Variants in BRINP1 observed in about 807,000 individuals in gnomAD.
BRINP1 encodes BMP/retinoic acid inducible neural specific 1, also known as BMP/retinoic acid-inducible neural-specific protein 1.
Under a neutral mutation model 72.9 loss-of-function variants are expected in BRINP1, and 17 were observed. The ratio of observed to expected loss-of-function variants is 0.23; its 90% CI spans 0.16 to 0.35. The LOEUF (loss-of-function observed/expected upper bound fraction) is 0.35. Ranked by LOEUF, BRINP1 falls within the 10% of genes least tolerant of loss-of-function variation. BRINP1 has a pLI of 1.00. For synonymous variants in BRINP1, 418 were observed against 378.5 expected (o/e 1.10, Z -1.21); for missense variants, 850 against 1,001.6 (o/e 0.85, Z 2.04).
intron 1 of BRINP1, among the ~76,000 whole-genome samples, chr9:119,335,942 A>G (rs80322988): frequency 0.01 from 1,568 of 152,246 alleles, 27 homozygotes; most frequent in African/African-American, 0.036. Flanking sequence ...AACCACTAAG[A>G]TTTCGTGCAG....
intron 6 of BRINP1, among the ~76,000 whole-genome samples, chr9:119,209,295 G>A (rs1453120680): frequency 6.6e-6 from 1 of 152,156 alleles, no homozygotes; most frequent in Non-Finnish European, 1.5e-5. Context: ...AAACAAGGTT[G>A]GGTGCAGTGG....
At chr9:119,255,692 G>T (rs1049433281) in intron 2 of BRINP1, among the ~76,000 whole-genome samples, 3 of 152,016 alleles carry the variant, frequency 2.0e-5, no homozygotes, top group East Asian at 3.9e-4. Context: ...AGTGGCTCAC[G>T]CTTGTAATCC....
chr9:119,320,475 G>T (rs1831174587), intron 1 of BRINP1, among the ~76,000 whole-genome samples: 1 of 152,166 alleles, frequency 6.6e-6, no homozygotes, highest in African/African-American at 2.4e-5. Flanking sequence ...GCTTATTTTT[G>T]GTTAGTAGGG....
intron 2 of BRINP1, among the ~76,000 whole-genome samples, chr9:119,298,614 C>T (rs910134397): frequency 3.3e-5 from 5 of 152,098 alleles, no homozygotes; most frequent in Non-Finnish European, 5.9e-5. Context: ...ATCAAATACC[C>T]GCAGCCTCTC....
intron 1 of BRINP1, among the ~76,000 whole-genome samples, chr9:119,340,194 T>A (rs1352456782): frequency 6.6e-6 from 1 of 152,070 alleles, no homozygotes; most frequent in African/African-American, 2.4e-5. Context: ...ATTACAAAGT[T>A]AAATAAGATA....
intron 1 of BRINP1, among the ~76,000 whole-genome samples, chr9:119,360,063 G>A (rs149673474): frequency 0.022 from 3,400 of 152,206 alleles, 54 homozygotes; most frequent in South Asian, 0.035. Context: ...CACTTGCAAG[G>A]CTTCACTGGA....
chr9:119,271,743 G>T (rs182468441), intron 2 of BRINP1, among the ~76,000 whole-genome samples: 22 of 152,132 alleles, frequency 1.4e-4, no homozygotes, highest in Admixed American at 1.2e-3. Flanking sequence ...GCAAATCTAG[G>T]TAAAGAGTAC....
intron 1 of BRINP1, among the ~76,000 whole-genome samples, chr9:119,359,019 T>G (rs1280750924): frequency 6.6e-6 from 1 of 152,160 alleles, no homozygotes; most frequent in East Asian, 1.9e-4. Context: ...TATTTCCAGT[T>G]TGAGCACATA....
intron 7 of BRINP1, among the ~76,000 whole-genome samples, chr9:119,176,478 A>C (rs1370776389): frequency 1.3e-5 from 2 of 152,184 alleles, no homozygotes; most frequent in African/African-American, 4.8e-5. Flanking sequence ...AGTAGAGCCT[A>C]ATGTTGAAAA....
intron 5 of BRINP1, among the ~76,000 whole-genome samples, chr9:119,218,843 G>A (rs188652283): frequency 6.6e-6 from 1 of 151,176 alleles, no homozygotes; most frequent in Admixed American, 6.6e-5. Flanking sequence ...CAACTCGGCT[G>A]CCATGGACTG....
chr9:119,221,457 C>T (rs185917146), intron 5 of BRINP1, among the ~76,000 whole-genome samples: 22 of 152,196 alleles, frequency 1.4e-4, no homozygotes, highest in Admixed American at 3.3e-4. Context: ...CAGTATCCAT[C>T]GCTGACAGCT....
intron 1 of BRINP1, among the ~76,000 whole-genome samples, chr9:119,353,334 T>C (rs1831523966): frequency 6.6e-6 from 1 of 152,314 alleles, no homozygotes; most frequent in Non-Finnish European, 1.5e-5. Context: ...CCTTCTCCCA[T>C]CATCCCTTAA....
chr9:119,234,297 G>T (rs554490546), intron 5 of BRINP1, among the ~76,000 whole-genome samples: 2 of 152,192 alleles, frequency 1.3e-5, no homozygotes, highest in South Asian at 2.1e-4. Context: ...CAGTCTTTTT[G>T]ATTTGAGTCA....
At chr9:119,313,496 G>A in intron 1 of BRINP1, 91 bp from the exon 2 acceptor site, 1 of 1,225,258 alleles carries the variant, frequency 8.2e-7, no homozygotes. Context: ...AAAAGACACA[G>A]GAAAAGAAAA....
intron 1 of BRINP1, among the ~76,000 whole-genome samples, chr9:119,338,733 G>A (rs1386082821): frequency 1.3e-4 from 16 of 119,080 alleles, no homozygotes; most frequent in African/African-American, 3.5e-4. Flanking sequence ...AAAAAAAAAA[G>A]AAGAAGAAGA....
intron 6 of BRINP1, among the ~76,000 whole-genome samples, chr9:119,211,955 G>A (rs1420254506): frequency 6.6e-6 from 1 of 151,852 alleles, no homozygotes; most frequent in East Asian, 1.9e-4. Flanking sequence ...ATGCTAAAGA[G>A]TCTTACTCCT....
At position 119,208,782 on chromosome 9, in the gene BRINP1, C is replaced by A. The variant is rs746081030; in HGVS notation, c.1082G>T (p.Arg361Leu). Residue 361 changes from arginine to leucine, a missense_variant, in exon 7 of 8, where the codon CGC becomes CTC. By Grantham distance (102) the Arg-to-Leu change is moderately radical. Transcript: ENST00000265922. ...GCGTACACTGAGGCCGAAAAGCTTG[C>A]GGGCAGTGCGTTGGATCTTTTGTCT... ...AQRQKIQRTA[R>L]KLFGLSVRCR... 6.2e-7 allele frequency: 1 copy of A among 1,613,970 alleles called. No homozygotes were observed. Among genetic ancestry groups the A allele is most frequent in the Non-Finnish European group, 8.5e-7 (1 of 1,180,038 alleles).
At chr9:119,214,593 A>T (rs1323432526) in intron 5 of BRINP1, among the ~76,000 whole-genome samples, 1 of 152,048 alleles carries the variant, frequency 6.6e-6, no homozygotes, top group Non-Finnish European at 1.5e-5. Flanking sequence ...GAGATAAAAA[A>T]AAAAAAAAGA....
chr9:119,360,462 G>A (rs890715533), intron 1 of BRINP1, among the ~76,000 whole-genome samples: 1 of 152,104 alleles, frequency 6.6e-6, no homozygotes, highest in African/African-American at 2.4e-5. Context: ...ACGTACTTAC[G>A]GAAGGCAGTT....
Sources: allele counts gnomAD v4.1 joint callset (sites outside exome capture counted in the v4.1 genomes callset), GRCh38; gene constraint gnomAD v4.1.1; transcripts MANE v1.5; gene names NCBI Gene and HGNC (gene_info 2026-07-23, HGNC 2026-07-21).